DNAH7: variants seen among roughly 807,000 people sequenced by gnomAD.
DNAH7 encodes the protein dynein axonemal heavy chain 7.
A neutral mutation model predicts 444.6 loss-of-function variants in DNAH7; 397 were observed. The observed-to-expected ratio is 0.89, with a 90% CI of 0.82 to 0.97. The LOEUF (loss-of-function observed/expected upper bound fraction) is 0.97. DNAH7 is among the 50% of genes least tolerant of loss of function. The pLI is 0.00. For missense variants in DNAH7, 4,902 were observed against 4,800.8 expected (o/e 1.02, Z -0.62); for synonymous variants, 1,636 against 1,624.4 (o/e 1.01, Z -0.17).
intron 62 of DNAH7, among the ~76,000 whole-genome samples, chr2:195,755,311 A>C (rs920695690): frequency 4.6e-5 from 7 of 152,236 alleles, no homozygotes; most frequent in Non-Finnish European, 1.0e-4. Context: ...TGGAAGAAGC[A>C]GGGTAGTGAG....
chr2:195,936,108 T>C (rs1689032279), intron 20 of DNAH7, among the ~76,000 whole-genome samples: 1 of 151,986 alleles, frequency 6.6e-6, no homozygotes, highest in African/African-American at 2.4e-5. Context: ...GCACGGTGGC[T>C]CACGCCTGTA....
Position 195,926,448 on chromosome 2 carries a change from G to C in DNAH7, c.3590C>G (p.Thr1197Arg), listed in dbSNP as rs1370880093. The change falls in exon 22 of 65, where the codon ACA becomes AGA. Residue 1197 changes from threonine to arginine, a missense_variant. Transcript: ENST00000312428. ...TACCTTTATCCCCATTGGAATAGCT[G>C]TTTGTACTTCTTTTGTCCAAAAGAT... ...SQIFWTKEVQ[T>R]AIPMGIKALE... The C allele has an allele frequency of 1.3e-6, 2 of 1,595,880 alleles. No individual in the cohort carries two copies. The highest frequency in any genetic ancestry group is 1.7e-6 in the Non-Finnish European group (2 of 1,172,838).
chr2:195,891,833 T>C (rs772096956), intron 30 of DNAH7, 29 bp from the exon 31 acceptor site: 1 of 1,520,082 alleles, frequency 6.6e-7, no homozygotes, highest in Non-Finnish European at 8.9e-7. Flanking sequence ...CATTTATTTA[T>C]GTAAAGAATA....
intron 46 of DNAH7, among the ~76,000 whole-genome samples, chr2:195,848,039 A>T (rs1699118597): frequency 6.6e-6 from 1 of 152,204 alleles, no homozygotes; most frequent in Admixed American, 6.5e-5. Context: ...CTGGAGAGAA[A>T]GGAGTTAGAC....
At chr2:195,966,850 T>A (rs1256469137) in intron 17 of DNAH7, among the ~76,000 whole-genome samples, 5 of 152,212 alleles carry the variant, frequency 3.3e-5, no homozygotes, top group Non-Finnish European at 5.9e-5. Context: ...AGGTAAAGTG[T>A]GTTTCTTGAA....
chr2:195,856,799 G>A (rs924285888), intron 44 of DNAH7, among the ~76,000 whole-genome samples: 2 of 152,070 alleles, frequency 1.3e-5, no homozygotes, highest in African/African-American at 2.4e-5. Context: ...GTCTTCCCTC[G>A]TCCAACTAAA....
At chr2:195,962,558 C>G (rs1230610007) in intron 17 of DNAH7, among the ~76,000 whole-genome samples, 3 of 152,166 alleles carry the variant, frequency 2.0e-5, no homozygotes, top group Non-Finnish European at 1.5e-5. Flanking sequence ...CCATGTTGCT[C>G]AGGCTGGTCT....
At chr2:195,959,463 T>C (rs1192951828) in intron 18 of DNAH7, among the ~76,000 whole-genome samples, 2 of 152,180 alleles carry the variant, frequency 1.3e-5, no homozygotes, top group African/African-American at 4.8e-5. Flanking sequence ...TCTCTTAATG[T>C]GCATGCTGGA....
chr2:195,891,610 T>C (rs754380423), intron 31 of DNAH7, 45 bp downstream of exon 31: 3 of 1,456,230 alleles, frequency 2.1e-6, no homozygotes, highest in Admixed American at 5.2e-5. Flanking sequence ...CAGAAATAAA[T>C]ATCTTAACCT....
Position 195,888,910 on chromosome 2 carries a change from C to T in DNAH7, c.5118G>A (p.Val1706=). 2 of 1,614,034 alleles carry T rather than the reference C, an allele frequency of 1.2e-6. No individual in the cohort carries two copies. The highest frequency in any genetic ancestry group is 1.1e-5 in the South Asian group (1 of 91,058). Residue 1706 remains valine, a synonymous_variant, in exon 32 of 65, where the codon GTG becomes GTA. Transcript: ENST00000312428. ...DAVWIENMNT[V]LDDNKKLCLM... Reference sequence around the variant, plus strand: ...GACATAGCTTCTTGTTGTCATCCAGCACAGTGTTCATATTCTCAATCCACA... The same window carrying T: ...GACATAGCTTCTTGTTGTCATCCAGTACAGTGTTCATATTCTCAATCCACA...
At chr2:195,998,217 C>A (rs933612892) in intron 12 of DNAH7, among the ~76,000 whole-genome samples, 2 of 152,060 alleles carry the variant, frequency 1.3e-5, no homozygotes, top group African/African-American at 4.8e-5. Flanking sequence ...CCTTTAGAAA[C>A]CAGGAAGCTT....
At chr2:195,812,514 AAAGTT>A (rs1397089370) in intron 51 of DNAH7, among the ~76,000 whole-genome samples, 1 of 152,292 alleles carries the variant, frequency 6.6e-6, no homozygotes, top group South Asian at 2.1e-4. Context: ...CTTGCTACAT[AAAGTT>A]ATTTATTCTG....
rs546019482 is a variant in DNAH7, at chr2:195,810,697, T to C, written c.9762-826A>G. On this transcript the variant is annotated intron_variant, in intron 51 of 64. Coordinates refer to ENST00000312428, the MANE Select transcript of DNAH7 (RefSeq NM_018897.3). ...TATTTTATCCCCTGCAGCATTCCCA[T>C]AAAGAGAATTACAACAAATTGATGT... is the stretch of plus-strand genomic sequence containing the variant. Among the ~76,000 whole-genome samples, 86 of 151,902 alleles carry C rather than the reference T, an allele frequency of 5.7e-4. 1 individual carries two copies. Among genetic ancestry groups the C allele is most frequent in the African/African-American group, 2.0e-3 (84 of 41,454 alleles).
rs200877512 is a variant in DNAH7 at position 195,777,923 on chromosome 2, G to T, written c.10941C>A (p.Thr3647=). Residue 3647 remains threonine, a synonymous_variant, in exon 59 of 65, where the codon ACC becomes ACA. Coordinates refer to ENST00000312428, the MANE Select transcript of DNAH7 (RefSeq NM_018897.3). The part of the protein sequence containing the change: ...TGECNYGGRV[T]DDWDRRTLRS... ...GCAGCGTGCGCCGGTCCCAGTCATC[G>T]GTCACTCTGCCTCCGTAATTGCATT... 4 of 1,614,120 alleles carry T rather than the reference G, an allele frequency of 2.5e-6. No homozygotes were observed. The Admixed American group carries it at 6.7e-5, about 27-fold the overall frequency.
chr2:195,948,238 G>A (rs1234374587), intron 19 of DNAH7, among the ~76,000 whole-genome samples: 4 of 152,210 alleles, frequency 2.6e-5, no homozygotes, highest in Non-Finnish European at 2.9e-5. Flanking sequence ...CCATTCTGTA[G>A]ACTGCCTGTT....
Position 195,881,869 on chromosome 2 carries a change from C to T in DNAH7, c.5887G>A (p.Glu1963Lys). ...GGCTTTTGATGGGTGGTCAGCAATT[C>T]CATTAATGCAGAGTATCGAATTGTG... ...LDTIRYSALM[E>K]LLTTHQKPSI... Residue 1963 changes from glutamate to lysine, a missense_variant, in exon 36 of 65, where the codon GAA (glutamate) becomes AAA (lysine). Physicochemically the swap from Glu to Lys is moderately conservative, Grantham distance 56. Transcript: ENST00000312428. The T allele has an allele frequency of 6.2e-7, 1 of 1,614,002 alleles. No homozygotes were observed. The highest frequency in any genetic ancestry group is 8.5e-7 in the Non-Finnish European group (1 of 1,179,938).
intron 19 of DNAH7, among the ~76,000 whole-genome samples, chr2:195,946,778 A>G (rs971400910): frequency 6.6e-6 from 1 of 152,050 alleles, no homozygotes; most frequent in African/African-American, 2.4e-5. Context: ...TGAGAAGCAC[A>G]GGAGGAGAGA....
intron 3 of DNAH7, among the ~76,000 whole-genome samples, chr2:196,049,016 C>A (rs1697304675): frequency 6.6e-6 from 1 of 152,122 alleles, no homozygotes; most frequent in Non-Finnish European, 1.5e-5. Context: ...TTAGCTCAAG[C>A]CAATTATTGC....
intron 5 of DNAH7, among the ~76,000 whole-genome samples, chr2:196,034,069 G>T (rs1418011246): frequency 2.0e-5 from 3 of 151,908 alleles, no homozygotes; most frequent in African/African-American, 7.3e-5. Context: ...AGTGCAAAAA[G>T]GATATAAAAA....
Sources: gnomAD v4.1 joint callset for allele counts (sites outside exome capture counted in the v4.1 genomes callset) on GRCh38, gnomAD v4.1.1 for gene constraint, MANE v1.5 for transcripts, NCBI Gene and HGNC (gene_info 2026-07-23, HGNC 2026-07-21) for gene names.